Variants in NEB observed in about 807,000 individuals in gnomAD.
The protein encoded by NEB is nemaline myopathy type 2.
NEB carries 512 observed loss-of-function variants against 952.2 expected under a neutral mutation model. That is an observed-to-expected ratio of 0.54 (90% CI 0.50 to 0.58). The LOEUF is 0.58. NEB is among the 20% of genes least tolerant of loss of function. The pLI, the probability that NEB is intolerant of heterozygous loss-of-function variation, is 0.00. For synonymous variants in NEB, 2,900 were observed against 3,149.8 expected (o/e 0.92, Z 2.66); for missense variants, 8,428 against 9,231.1 (o/e 0.91, Z 3.56).
intron 75 of NEB, among the ~76,000 whole-genome samples, chr2:151,616,887 T>G (rs1008364476): frequency 1.3e-5 from 2 of 152,226 alleles, no homozygotes; most frequent in Non-Finnish European, 2.9e-5. Context: ...CGGACAATGA[T>G]TCATATATGG....
chr2:151,680,456 C>T (rs2099405768), intron 30 of NEB, among the ~76,000 whole-genome samples: 1 of 151,552 alleles, frequency 6.6e-6, no homozygotes, highest in African/African-American at 2.4e-5. Flanking sequence ...TAGAAAAAGG[C>T]TTGTAGTTTT....
intron 47 of NEB, 46 bp from the exon 48 acceptor site, chr2:151,658,136 C>T (rs1009301381): frequency 1.5e-6 from 2 of 1,373,632 alleles, no homozygotes; most frequent in Non-Finnish European, 2.0e-6. Context: ...AATATGAAAG[C>T]CTGGATTTAT....
chr2:151,695,164 T>A (rs1312925393), intron 18 of NEB, among the ~76,000 whole-genome samples: 1 of 152,182 alleles, frequency 6.6e-6, no homozygotes, highest in Non-Finnish European at 1.5e-5. Context: ...CAATCCCCTA[T>A]ATCTTTATTC....
rs2096794578 is a variant in NEB at position 151,575,443 on chromosome 2, TC to T, written c.17013+251del. ...CTTCATTCGTCTTTCACCTTCTTTG[TC>T]CCCTTATTCAAAAAGGACAACTAAA... On this transcript the variant is annotated intron_variant, in intron 107 of 181. Coordinates refer to ENST00000397345, the MANE Select transcript of NEB (RefSeq NM_001164508.2). Among the ~76,000 whole-genome samples, 7 of 152,218 alleles carry T rather than the reference TC, an allele frequency of 4.6e-5. No homozygotes were observed. The South Asian group carries it at 1.2e-3, about 27-fold the overall frequency.
rs766715049 is a variant in NEB, at chr2:151,518,932, C to T, written c.22695+33G>A. 4.0e-6 allele frequency: 6 copies of T among 1,483,030 alleles called. No homozygotes were observed. The South Asian group carries it at 6.8e-5, about 17-fold the overall frequency. 91.9% of individuals were successfully genotyped at this position (1,483,030 alleles called of 1,614,324 possible). A position where few individuals can be genotyped will look rare whatever the true frequency, so the allele number is the denominator to read the frequency against. ...AGAATTTAGTTCCAAATGGGTAAAACAAGCTGTTTCTGGAGCAAATGACTG... is the reference window on the plus strand; with the variant it reads ...AGAATTTAGTTCCAAATGGGTAAAATAAGCTGTTTCTGGAGCAAATGACTG... On this transcript the variant is annotated intron_variant, in intron 155 of 181. Transcript: ENST00000397345.
rs758528247 is a variant in NEB at position 151,610,119 on chromosome 2, T to G, written c.12020A>C (p.Tyr4007Ser). The G allele has an allele frequency of 1.2e-6, 2 of 1,603,068 alleles. No homozygotes were observed. The highest frequency in any genetic ancestry group is 1.7e-6 in the Non-Finnish European group (2 of 1,174,262). ...AKASRDIASD[Y>S]KYKEAYEKQK... ...TTTCTCATAGGCTTCCTTGTATTTGTACTAAAATGCCAGAAATACAGGTGG... is the reference window on the plus strand; with the variant it reads ...TTTCTCATAGGCTTCCTTGTATTTGGACTAAAATGCCAGAAATACAGGTGG... Residue 4007 changes from tyrosine (Y) to serine (S), a missense_variant and splice_region_variant, in exon 81 of 182, where the codon TAC (tyrosine) becomes TCC (serine). Coordinates refer to ENST00000397345, the MANE Select transcript of NEB (RefSeq NM_001164508.2).
At chr2:151,628,077 T>G (rs368718211) in intron 68 of NEB, among the ~76,000 whole-genome samples, 5 of 152,236 alleles carry the variant, frequency 3.3e-5, no homozygotes, top group African/African-American at 1.2e-4. Context: ...AATAGTCCAG[T>G]GGGAAGACAG....
chr2:151,663,976 A>G lies in NEB; in HGVS notation c.5452-117T>C, dbSNP rs1575532417. ...GGTTTTAGAGCTACTCTAAAATTGGAAGGGAGGCACTCGTGAGAGGGAGGG... is the reference window on the plus strand; with the variant it reads ...GGTTTTAGAGCTACTCTAAAATTGGGAGGGAGGCACTCGTGAGAGGGAGGG... On this transcript the variant is annotated intron_variant, in intron 44 of 181. Coordinates refer to ENST00000397345, the MANE Select transcript of NEB (RefSeq NM_001164508.2). The G allele has an allele frequency of 9.5e-6, 10 of 1,049,460 alleles. No homozygotes were observed. The East Asian group carries it at 2.5e-4, about 26-fold the overall frequency. 65.0% of individuals were successfully genotyped at this position (1,049,460 alleles called of 1,614,324 possible).
chr2:151,542,726 T>C (rs2094214744), intron 135 of NEB, among the ~76,000 whole-genome samples: 1 of 152,200 alleles, frequency 6.6e-6, no homozygotes, highest in African/African-American at 2.4e-5. Flanking sequence ...AACTCCTCTA[T>C]TGGACCACCC....
chr2:151,732,484 GC>G (rs1436604838), intron 3 of NEB, among the ~76,000 whole-genome samples: 5 of 152,140 alleles, frequency 3.3e-5, no homozygotes, highest in Non-Finnish European at 5.9e-5. Flanking sequence ...AAATTCAAAA[GC>G]AAAAGCTAGT....
chr2:151,567,619 T>TA (rs2096461746), intron 113 of NEB, 140 bp from the exon 114 acceptor site: 2 of 634,032 alleles, frequency 3.2e-6, no homozygotes, highest in Non-Finnish European at 5.1e-6. Flanking sequence ...GAGCAAATAA[T>TA]AAAAAGCATT....
chr2:151,704,480 G>T (rs2149738996), intron 13 of NEB, among the ~76,000 whole-genome samples: 1 of 151,278 alleles, frequency 6.6e-6, no homozygotes, highest in African/African-American at 2.4e-5. Flanking sequence ...CTTGCAGTTT[G>T]ATCTCAGACT....
intron 114 of NEB, 128 bp downstream of exon 114, chr2:151,567,040 A>G (rs1560015888): frequency 2.4e-6 from 2 of 833,294 alleles, no homozygotes; most frequent in South Asian, 2.2e-5. Context: ...TCCAGCCTCA[A>G]TTCCCTTTGG....
rs2099385688 is a variant in NEB at position 151,678,010 on chromosome 2, T to C, written c.3433A>G (p.Asn1145Asp). 1.2e-6 allele frequency: 2 copies of C among 1,613,964 alleles called. No individual in the cohort carries two copies. The highest frequency in any genetic ancestry group is 1.7e-6 in the Non-Finnish European group (2 of 1,179,866). The change falls in exon 33 of 182, where the codon AAT (asparagine) becomes GAT (aspartate). Residue 1145 changes from asparagine (N) to aspartate (D), a missense_variant. By Grantham distance (23) the Asn-to-Asp change is conservative. Around this residue, in one of 11 missense-constraint regions of NEB, gnomAD observed 2,851 missense variants for 2,791.5 expected, o/e 1.02. Coordinates refer to ENST00000397345, the MANE Select transcript of NEB (RefSeq NM_001164508.2). ...TGGGCTTTCTTAGCCGCCACGACAT[T>C]GAACATATCATGGGGCGTGTTGTAT... is the stretch of plus-strand genomic sequence containing the variant. ...SKYNTPHDMF[N>D]VVAAKKAQDV...
In NEB at chr2:151,540,337, T is replaced by C; in HGVS notation, c.20892+7A>G. The C allele has an allele frequency of 1.3e-6, 2 of 1,538,102 alleles. No individual in the cohort carries two copies. Among genetic ancestry groups the C allele is most frequent in the Non-Finnish European group, 1.8e-6 (2 of 1,128,604 alleles). ...CACAACAGAAGAAAAAAGGAAGGGATGCATACATCACTGGCATTCCAGTAA... is the reference window on the plus strand; with the variant it reads ...CACAACAGAAGAAAAAAGGAAGGGACGCATACATCACTGGCATTCCAGTAA... On this transcript the variant is annotated splice_region_variant and intron_variant, in intron 138 of 181. Transcript: ENST00000397345.
At chr2:151,486,176 CAAAAGAGG>C in intron 181 of NEB, 1 of 447,138 alleles carries the variant, frequency 2.2e-6, no homozygotes, top group Non-Finnish European at 4.0e-6. Flanking sequence ...CTTCCCCCAC[CAAAAGAGG>C]CAAAGGATAT....
At chr2:151,631,092 A>G in intron 66 of NEB, 51 bp downstream of exon 66, 1 of 1,599,730 alleles carries the variant, frequency 6.3e-7, no homozygotes, top group South Asian at 1.1e-5. Flanking sequence ...TCATTAAAGT[A>G]TAATAACATC....
intron 120 of NEB, among the ~76,000 whole-genome samples, 182 bp downstream of exon 120, chr2:151,562,429 T>C (rs191301938): frequency 1.5e-4 from 23 of 152,266 alleles, no homozygotes; most frequent in Admixed American, 5.2e-4. Flanking sequence ...ATATTTAACA[T>C]ATGTGTCCTA....
chr2:151,519,106 T>C (rs2080137993), intron 154 of NEB, 37 bp from the exon 155 acceptor site: 5 of 1,319,978 alleles, frequency 3.8e-6, no homozygotes, highest in East Asian at 2.3e-5. Flanking sequence ...ATCACGTAAA[T>C]AGGAAATGGA....
Sources: gnomAD v4.1 joint callset for allele counts (sites outside exome capture counted in the v4.1 genomes callset) on GRCh38, gnomAD v4.1.1 for gene constraint, gnomAD v4.1.1 regional missense constraint, MANE v1.5 for transcripts, NCBI Gene and HGNC (gene_info 2026-07-23, HGNC 2026-07-21) for gene names.